Variants in MIA2 observed in about 807,000 individuals in gnomAD.
The protein encoded by MIA2 is melanoma inhibitory activity protein 2.
Under a neutral mutation model 167.8 loss-of-function variants are expected in MIA2, and 127 were observed. The ratio of observed to expected loss-of-function variants is 0.76; its 90% CI spans 0.66 to 0.88. MIA2 has a LOEUF of 0.88. Among genes scored for constraint, MIA2 ranks in the 40% least tolerant of loss-of-function variants. The pLI, the probability that MIA2 is intolerant of heterozygous loss-of-function variation, is 0.00. For synonymous variants in MIA2, 552 were observed against 541.9 expected, an observed-to-expected ratio of 1.02 and a Z score of -0.26; for missense variants, 1,690 against 1,624.7, an observed-to-expected ratio of 1.04 and a Z score of -0.69.
chr14:39,361,415 G>A (rs1388193523), intron 23 of MIA2, among the ~76,000 whole-genome samples: 1 of 146,168 alleles, frequency 6.8e-6, no homozygotes, highest in African/African-American at 2.5e-5. Flanking sequence ...CTATTGCTCT[G>A]ACTAGGACTT....
In MIA2 at chr14:39,247,210, G is replaced by A. The variant is rs2054354752; in HGVS notation, c.636G>A (p.Val212=). The A allele has an allele frequency of 6.2e-7, 1 of 1,614,160 alleles. No individual in the cohort carries two copies. The highest frequency in any genetic ancestry group is 8.5e-7 in the Non-Finnish European group (1 of 1,180,036). Residue 212 remains valine, a synonymous_variant, in exon 4 of 29, where the codon GTG becomes GTA. Coordinates refer to ENST00000640607, the MANE Select transcript of MIA2 (RefSeq NM_001329214.4). The part of the protein sequence containing the change: ...ESMEQDRIPE[V]HVPPSSAVSG... ...TGGAACAGGATCGTATTCCAGAAGT[G>A]CATGTCCCACCATCTTCAGCTGTGT...
At chr14:39,299,270 T>G (rs188687928) in intron 13 of MIA2, among the ~76,000 whole-genome samples, 3 of 149,040 alleles carry the variant, frequency 2.0e-5, no homozygotes, top group Admixed American at 1.3e-4. Context: ...AATACTGTTG[T>G]GGAGAATCTG....
At chr14:39,337,809 C>T (rs938680610) in intron 25 of MIA2, among the ~76,000 whole-genome samples, 3 of 151,976 alleles carry the variant, frequency 2.0e-5, no homozygotes, top group African/African-American at 7.3e-5. Context: ...CCTCTGCCTC[C>T]TGGGTTCAAA....
At position 39,311,032 on chromosome 14, in the gene MIA2, A is replaced by G. The variant is rs1220480641; in HGVS notation, c.3018-2308A>G. 2.0e-5 allele frequency among the ~76,000 whole-genome samples: 3 copies of G among 152,232 alleles called. No individual in the cohort carries two copies. The East Asian group carries it at 5.8e-4, about 29-fold the overall frequency. On this transcript the variant is annotated intron_variant, in intron 18 of 28. Coordinates refer to ENST00000640607, the MANE Select transcript of MIA2 (RefSeq NM_001329214.4). The stretch of plus-strand genomic sequence containing the variant: ...TTTTTGAGTGTATCTTTTGAATAAA[A>G]AAAGTATATGGTTGATTATAGAATT...
intron 7 of MIA2, among the ~76,000 whole-genome samples, chr14:39,277,760 A>ATATATATATGTGTGTG (rs2058353481): frequency 4.0e-5 from 1 of 25,042 alleles, no homozygotes; most frequent in Admixed American, 6.2e-4. Flanking sequence ...ATATATATAT[A>ATATATATATGTGTGTG]TATATATATA....
intron 27 of MIA2, among the ~76,000 whole-genome samples, chr14:39,348,105 G>T (rs769677462): frequency 6.6e-6 from 1 of 152,144 alleles, no homozygotes; most frequent in Non-Finnish European, 1.5e-5. Flanking sequence ...GAGCTGCTGC[G>T]CCTGGCCCTG....
intron 6 of MIA2, chr14:39,266,666 G>A: frequency 1.0e-6 from 1 of 985,582 alleles, no homozygotes; most frequent in Non-Finnish European, 1.2e-6. Flanking sequence ...CGCGTGCCCC[G>A]CAGGCCATTT....
At chr14:39,269,815 C>T (rs902991485) in intron 6 of MIA2, among the ~76,000 whole-genome samples, 10 of 152,216 alleles carry the variant, frequency 6.6e-5, no homozygotes, top group African/African-American at 2.4e-4. Context: ...GCCACTTCGC[C>T]TGGCCCTTCA....
Position 39,294,954 on chromosome 14 carries a change from G to A in MIA2, c.2421G>A (p.Met807Ile). ...AAATGACCTTCAAGATATTTCAAAT[G>A]AATGAAGAACGACTGAAGATAGCAA... ...EAKMTFKIFQ[M>I]NEERLKIAIK... Residue 807 changes from methionine (M) to isoleucine (I), a missense_variant, in exon 13 of 29, where the codon ATG (methionine) becomes ATA (isoleucine). Physicochemically the swap from Met to Ile is conservative, Grantham distance 10. Coordinates refer to ENST00000640607, the MANE Select transcript of MIA2 (RefSeq NM_001329214.4). 6.2e-7 allele frequency: 1 copy of A among 1,613,174 alleles called. No homozygotes were observed.
chr14:39,268,875 G>A, intron 6 of MIA2: 2 of 348,792 alleles, frequency 5.7e-6, no homozygotes, highest in Non-Finnish European at 8.1e-6. Context: ...CCAGGTTTCT[G>A]GCTGTGGTAA....
At chr14:39,334,603 G>A (rs1286948862) in intron 25 of MIA2, among the ~76,000 whole-genome samples, 1 of 150,178 alleles carries the variant, frequency 6.7e-6, no homozygotes, top group Non-Finnish European at 1.5e-5. Flanking sequence ...TTTCACCTTT[G>A]TCATCCAGGC....
chr14:39,253,396 G>A (rs189160207), intron 6 of MIA2: 12 of 610,412 alleles, frequency 2.0e-5, no homozygotes, highest in East Asian at 1.6e-4. Context: ...GATCTTGAGC[G>A]GTGTTTGCTT....
At chr14:39,315,114 C>A in intron 20 of MIA2, 2 of 136,544 alleles carry the variant, frequency 1.5e-5, no homozygotes, top group Non-Finnish European at 1.3e-5. Context: ...AAAACCCTGT[C>A]TCTACTAAAA....
chr14:39,276,898 T>C (rs781210219), intron 6 of MIA2, 36 bp from the exon 7 acceptor site: 4 of 1,601,742 alleles, frequency 2.5e-6, no homozygotes, highest in Non-Finnish European at 2.5e-6. Context: ...TTACCAAAAG[T>C]ACATTTTTAA....
At chr14:39,315,303 CAA>C (rs11345079) in intron 20 of MIA2, 214 of 132,356 alleles carry the variant, frequency 1.6e-3, no homozygotes, top group East Asian at 3.3e-3. Context: ...GACTCCGTCT[CAA>C]AAAAAAAAAA....
chr14:39,361,524 C>T (rs1332704135), intron 23 of MIA2, among the ~76,000 whole-genome samples: 5 of 151,530 alleles, frequency 3.3e-5, no homozygotes, highest in African/African-American at 7.3e-5. Flanking sequence ...CTGCAACTTC[C>T]GCCTCCCGGG....
chr14:39,277,018 G>T lies in MIA2; in HGVS notation c.1972G>T (p.Val658Phe). The change falls in exon 7 of 29, where the codon GTT becomes TTT. Residue 658 changes from valine (V) to phenylalanine (F), a missense_variant. Physicochemically the swap from Val to Phe is conservative, Grantham distance 50. Transcript: ENST00000640607. ...GGAATTGGTGATATGTGCAGCTGTTGTTGGATTTTTTGCTGTTCTCTTTTT... is the reference window on the plus strand; with the variant it reads ...GGAATTGGTGATATGTGCAGCTGTTTTTGGATTTTTTGCTGTTCTCTTTTT... ...PWELVICAAVVGFFAVLFFLW... is the reference protein window; with the variant it reads ...PWELVICAAVFGFFAVLFFLW... 1.2e-6 allele frequency: 2 copies of T among 1,613,840 alleles called. No homozygotes were observed. Among genetic ancestry groups the T allele is most frequent in the Non-Finnish European group, 1.7e-6 (2 of 1,179,854 alleles).
At chr14:39,362,471 G>A (rs1004226974) in intron 23 of MIA2, among the ~76,000 whole-genome samples, 9 of 151,986 alleles carry the variant, frequency 5.9e-5, no homozygotes, top group African/African-American at 2.2e-4. Context: ...CAGTTTGTTA[G>A]CATGTTGTTC....
intron 4 of MIA2, among the ~76,000 whole-genome samples, chr14:39,251,930 C>T (rs917385052): frequency 1.3e-5 from 2 of 151,976 alleles, no homozygotes; most frequent in Non-Finnish European, 1.5e-5. Flanking sequence ...GCATACATAG[C>T]AGGAATGAAA....
Sources: allele counts gnomAD v4.1 joint callset (sites outside exome capture counted in the v4.1 genomes callset), GRCh38; gene constraint gnomAD v4.1.1; transcripts MANE v1.5; gene names NCBI Gene and HGNC (gene_info 2026-07-23, HGNC 2026-07-21).